Variants in L3MBTL4 observed in about 807,000 individuals in gnomAD.
The protein encoded by L3MBTL4 is lethal(3)malignant brain tumor-like protein 4.
L3MBTL4 carries 70 observed loss-of-function variants against 84.5 expected under a neutral mutation model. The observed-to-expected ratio is 0.83, with a 90% CI of 0.68 to 1.01. The LOEUF is 1.01. L3MBTL4 is among the 50% of genes least tolerant of loss of function. The probability of loss-of-function intolerance (pLI) is 0.00; values close to 1 mark genes in which losing one functional copy is unlikely to be tolerated. For missense variants in L3MBTL4, 715 were observed against 754.8 expected, an observed-to-expected ratio of 0.95 and a Z score of 0.62; for synonymous variants, 274 against 259.8, an observed-to-expected ratio of 1.05 and a Z score of -0.52.
intron 12 of L3MBTL4, among the ~76,000 whole-genome samples, chr18:6,206,225 C>T (rs1238231472): frequency 6.6e-6 from 1 of 152,172 alleles, no homozygotes. Context: ...TATTGGTGTA[C>T]ACTTATATGT....
intron 16 of L3MBTL4, among the ~76,000 whole-genome samples, chr18:6,070,723 A>G (rs1239449465): frequency 6.6e-6 from 1 of 152,154 alleles, no homozygotes; most frequent in Admixed American, 6.5e-5. Context: ...CTGTAGGCCC[A>G]GCTACTCCAG....
chr18:6,330,214 A>G lies in L3MBTL4; in HGVS notation c.-90-18158T>C, dbSNP rs115105605. The stretch of plus-strand genomic sequence containing the variant: ...GAACTCTCATGTCACAGAGTATGTG[A>G]ATTACTTTCCTATTGCTGCTGTAAC... On this transcript the variant is annotated intron_variant, in intron 1 of 18. Transcript: ENST00000317931. Among the ~76,000 whole-genome samples, 310 of 152,348 alleles carry G rather than the reference A, an allele frequency of 2.0e-3. 1 individual carries two copies. The highest frequency in any genetic ancestry group is 7.2e-3 in the African/African-American group (300 of 41,576).
intron 1 of L3MBTL4, among the ~76,000 whole-genome samples, chr18:6,332,457 G>C (rs2052088759): frequency 1.3e-5 from 2 of 152,144 alleles, no homozygotes; most frequent in South Asian, 4.1e-4. Flanking sequence ...AGGGTAGGCA[G>C]GTAACTCAGA....
At position 5,999,782 on chromosome 18, in the gene L3MBTL4, T is replaced by C. The variant is rs1014781400; in HGVS notation, c.1445-30220A>G. On this transcript the variant is annotated intron_variant, in intron 16 of 18. Coordinates refer to ENST00000317931, the MANE Select transcript of L3MBTL4 (RefSeq NM_001330559.2). Reference sequence around the variant, plus strand: ...AAGAAGGGCTGAGTGGTGGCCGATCTCCTGGGTGGCCACTGCCAGAATGCA... The same window carrying C: ...AAGAAGGGCTGAGTGGTGGCCGATCCCCTGGGTGGCCACTGCCAGAATGCA... 2.0e-5 allele frequency among the ~76,000 whole-genome samples: 3 copies of C among 152,328 alleles called. 1 individual carries two copies. In the South Asian group the frequency reaches 6.2e-4, roughly 32 times the overall value.
rs2043935433 is a variant in L3MBTL4 at position 6,170,839 on chromosome 18, T to C, written c.1096+989A>G. Reference sequence around the variant, plus strand: ...ACCAGAGGAAACCACAAAGCACAAATGCTGGCGCCCTTCCCTACTTGGAGT... The same window carrying C: ...ACCAGAGGAAACCACAAAGCACAAACGCTGGCGCCCTTCCCTACTTGGAGT... On this transcript the variant is annotated intron_variant, in intron 13 of 18. Transcript: ENST00000317931. 3.3e-5 allele frequency among the ~76,000 whole-genome samples: 5 copies of C among 152,048 alleles called. No homozygotes were observed. In the South Asian group the frequency reaches 6.2e-4, roughly 19 times the overall value.
intron 18 of L3MBTL4, among the ~76,000 whole-genome samples, chr18:5,959,617 C>T (rs2144642258): frequency 6.6e-6 from 1 of 152,220 alleles, no homozygotes; most frequent in African/African-American, 2.4e-5. Context: ...TAGGAGGGTC[C>T]CATGCTGACT....
intron 10 of L3MBTL4, among the ~76,000 whole-genome samples, chr18:6,216,376 C>T (rs1232873925): frequency 6.6e-6 from 1 of 152,034 alleles, no homozygotes; most frequent in Admixed American, 6.6e-5. Context: ...AAATTTCCTT[C>T]TTGTTTCTCT....
At chr18:6,396,310 T>A (rs1159919029) in intron 1 of L3MBTL4, 1 of 152,262 alleles carries the variant, frequency 6.6e-6, no homozygotes, top group Non-Finnish European at 1.5e-5. Context: ...ACTTCTTGAC[T>A]ACACAGTGTT....
intron 4 of L3MBTL4, among the ~76,000 whole-genome samples, chr18:6,270,697 T>C (rs2048828635): frequency 6.6e-6 from 1 of 152,144 alleles, no homozygotes. Flanking sequence ...CTTCTGCAAA[T>C]GCCAGAGTCT....
At chr18:5,956,874 A>C (rs1191292212) in intron 18 of L3MBTL4, among the ~76,000 whole-genome samples, 2 of 151,632 alleles carry the variant, frequency 1.3e-5, no homozygotes, top group African/African-American at 2.4e-5. Flanking sequence ...GCAGTCACCC[A>C]AAATCAACTC....
intron 15 of L3MBTL4, among the ~76,000 whole-genome samples, chr18:6,092,169 A>T (rs765266875): frequency 5.3e-5 from 8 of 152,246 alleles, no homozygotes; most frequent in Non-Finnish European, 1.0e-4. Context: ...ATCTACAGTC[A>T]TGTGCACAGA....
intron 5 of L3MBTL4, among the ~76,000 whole-genome samples, chr18:6,261,787 G>C (rs1266886997): frequency 1.3e-5 from 2 of 152,172 alleles, no homozygotes; most frequent in East Asian, 3.9e-4. Flanking sequence ...GGGCTTAAAG[G>C]ATCTCAGAGA....
chr18:5,972,882 TAGAACAGAAG>T (rs2052711513), intron 16 of L3MBTL4, among the ~76,000 whole-genome samples: 3 of 33,108 alleles, frequency 9.1e-5, no homozygotes, highest in Non-Finnish European at 1.6e-4. Context: ...TAGAATAGAA[TAGAACAGAAG>T]AGAATAGAAT....
At chr18:6,024,462 T>C (rs569620909) in intron 16 of L3MBTL4, among the ~76,000 whole-genome samples, 7 of 152,262 alleles carry the variant, frequency 4.6e-5, no homozygotes, top group Admixed American at 2.0e-4. Flanking sequence ...GGGCAGAAAA[T>C]ACAGCAAGAT....
intron 4 of L3MBTL4, among the ~76,000 whole-genome samples, chr18:6,294,147 C>A (rs2049989735): frequency 6.6e-6 from 1 of 152,028 alleles, no homozygotes; most frequent in Non-Finnish European, 1.5e-5. Flanking sequence ...GGATTGACAA[C>A]TTACTCTCTA....
intron 16 of L3MBTL4, among the ~76,000 whole-genome samples, chr18:5,985,447 T>C (rs2053424613): frequency 6.6e-6 from 1 of 152,128 alleles, no homozygotes; most frequent in Non-Finnish European, 1.5e-5. Context: ...ACTCAGGCAG[T>C]GCTTACTACA....
intron 5 of L3MBTL4, among the ~76,000 whole-genome samples, chr18:6,248,166 C>T (rs1169225965): frequency 6.6e-6 from 1 of 152,172 alleles, no homozygotes; most frequent in African/African-American, 2.4e-5. Context: ...TGTGTTTCTC[C>T]TTGAGCAAAG....
intron 13 of L3MBTL4, among the ~76,000 whole-genome samples, chr18:6,158,687 T>C (rs1443193052): frequency 1.3e-5 from 2 of 152,142 alleles, no homozygotes; most frequent in African/African-American, 4.8e-5. Context: ...CAGCTGTACA[T>C]CTGTAGAAAG....
intron 14 of L3MBTL4, among the ~76,000 whole-genome samples, chr18:6,115,988 G>C (rs936754245): frequency 6.6e-6 from 1 of 152,170 alleles, no homozygotes; most frequent in Non-Finnish European, 1.5e-5. Context: ...GGACCAGAAA[G>C]AACCCTGAGC....
Sources: gnomAD v4.1 joint callset for allele counts (sites outside exome capture counted in the v4.1 genomes callset) on GRCh38, gnomAD v4.1.1 for gene constraint, MANE v1.5 for transcripts, NCBI Gene and HGNC (gene_info 2026-07-23, HGNC 2026-07-21) for gene names.